Variants in CDH3 observed in about 807,000 individuals in gnomAD.
CDH3 encodes the protein cadherin 3.
A neutral mutation model predicts 82.0 loss-of-function variants in CDH3; 54 were observed. That is an observed-to-expected ratio of 0.66 (90% CI 0.53 to 0.83). CDH3 has a LOEUF of 0.83. CDH3 is among the 40% of genes least tolerant of loss of function. The pLI is 0.00. For missense variants in CDH3, 1,054 were observed against 1,084.6 expected (o/e 0.97, Z 0.40); for synonymous variants, 446 against 437.9 (o/e 1.02, Z -0.23).
rs1472081668 is a variant in CDH3 at position 68,645,672 on chromosome 16, C to T, written c.82C>T (p.Arg28Trp). Residue 28 changes from arginine to tryptophan, a missense_variant, in exon 2 of 16, where the codon CGG becomes TGG. Coordinates refer to ENST00000264012, the MANE Select transcript of CDH3 (RefSeq NM_001793.6). ...WLQCAASEPC[R>W]AVFREAEVTL... ...GCAGTGCGCGGCCTCCGAGCCGTGC[C>T]GGGCGGTCTTCAGGGAGGCTGAAGT... The T allele has an allele frequency of 1.9e-6, 3 of 1,544,726 alleles. No individual in the cohort carries two copies. Among genetic ancestry groups the T allele is most frequent in the East Asian group, 2.4e-5 (1 of 40,920 alleles).
intron 2 of CDH3, among the ~76,000 whole-genome samples, chr16:68,665,541 A>G (rs368876617): frequency 1.3e-5 from 2 of 152,218 alleles, no homozygotes; most frequent in South Asian, 2.1e-4. Context: ...TTTATTGAGT[A>G]CTTACTGTTA....
intron 1 of CDH3, among the ~76,000 whole-genome samples, chr16:68,722,224 C>G (rs910267911): frequency 3.9e-5 from 6 of 152,184 alleles, no homozygotes; most frequent in African/African-American, 1.4e-4. Flanking sequence ...GGAGGGGCCC[C>G]TGTCACCAGC....
downstream of CDH3, among the ~76,000 whole-genome samples, chr16:68,701,544 A>ATTTT (rs71382058): frequency 7.8e-6 from 1 of 128,250 alleles, no homozygotes; most frequent in Non-Finnish European, 1.7e-5. Flanking sequence ...ATTACACACA[A>ATTTT]TTTTTTTTTT....
intron 1 of CDH3, among the ~76,000 whole-genome samples, chr16:68,721,611 G>C (rs1051512168): frequency 6.6e-6 from 1 of 152,234 alleles, no homozygotes; most frequent in African/African-American, 2.4e-5. Context: ...CCCCTTCCCT[G>C]CTCTTGGGTC....
chr16:68,696,951 A>C (rs1238998472), intron 15 of CDH3: 1 of 151,578 alleles, frequency 6.6e-6, no homozygotes, highest in African/African-American at 2.4e-5. Flanking sequence ...CCTCGACCTC[A>C]CATGCCTCTT....
intron 1 of CDH3, among the ~76,000 whole-genome samples, chr16:68,716,706 A>C (rs890457635): frequency 6.6e-6 from 1 of 151,120 alleles, no homozygotes; most frequent in South Asian, 2.1e-4. Flanking sequence ...GGGATGGTAC[A>C]GTAAGACTTA....
Position 68,678,103 on chromosome 16 carries a change from C to T in CDH3, c.247-31C>T, listed in dbSNP as rs1404380214. On this transcript the variant is annotated intron_variant, in intron 3 of 15. Coordinates refer to ENST00000264012, the MANE Select transcript of CDH3 (RefSeq NM_001793.6). ...GTTGAGCATGTCCCAGCTATTTGCA[C>T]ATCTGGGTTAAGGAGTTTCTCTCCT... 4 of 1,605,840 alleles carry T rather than the reference C, an allele frequency of 2.5e-6. No homozygotes were observed. In the South Asian group the frequency reaches 3.3e-5, roughly 13 times the overall value.
the CDH3 span, among the ~76,000 whole-genome samples, chr16:68,733,272 C>T: frequency 6.6e-6 from 1 of 152,138 alleles, no homozygotes; most frequent in African/African-American, 2.4e-5. Flanking sequence ...GCATGCACTG[C>T]CATGTCCAGC....
At chr16:68,718,964 C>A (rs1345140538) in intron 1 of CDH3, among the ~76,000 whole-genome samples, 2 of 151,930 alleles carry the variant, frequency 1.3e-5, no homozygotes, top group African/African-American at 2.4e-5. Flanking sequence ...CGGGGCCGGG[C>A]GCGGTGGCTC....
At position 68,679,877 on chromosome 16, in the gene CDH3, T is replaced by C; in HGVS notation, c.770T>C (p.Ile257Thr). The C allele has an allele frequency of 6.2e-7, 1 of 1,613,798 alleles. No homozygotes were observed. The highest frequency in any genetic ancestry group is 8.5e-7 in the Non-Finnish European group (1 of 1,179,784). The change falls in exon 7 of 16, where the codon ATC becomes ACC. Residue 257 changes from isoleucine (I) to threonine (T), a missense_variant. Ile to Thr is a moderately conservative substitution (Grantham distance 89). Coordinates refer to ENST00000264012, the MANE Select transcript of CDH3 (RefSeq NM_001793.6). Reference sequence around the variant, plus strand: ...TACAATGGGGTGGTTGCTTACTCCATCCATAGCCAAGAACCAAAGGACCCA... The same window carrying C: ...TACAATGGGGTGGTTGCTTACTCCACCCATAGCCAAGAACCAAAGGACCCA... The part of the protein sequence containing the change: ...YTYNGVVAYS[I>T]HSQEPKDPHD...
intron 2 of CDH3, among the ~76,000 whole-genome samples, chr16:68,660,908 G>A (rs1294101487): frequency 6.6e-6 from 1 of 150,698 alleles, no homozygotes; most frequent in Non-Finnish European, 1.5e-5. Context: ...GCAGTGAGCC[G>A]AGATCCCGCC....
intron 2 of CDH3, among the ~76,000 whole-genome samples, chr16:68,654,837 AC>A (rs1317691719): frequency 6.6e-6 from 1 of 150,978 alleles, no homozygotes; most frequent in East Asian, 2.0e-4. Flanking sequence ...GGAGTTCAAG[AC>A]CAGCCTGGCC....
downstream of CDH3, among the ~76,000 whole-genome samples, chr16:68,730,848 C>T (rs1962274804): frequency 6.7e-6 from 1 of 150,158 alleles, no homozygotes; most frequent in African/African-American, 2.5e-5. Context: ...TGGAGAAACC[C>T]CGTCTCTACT....
downstream of CDH3, among the ~76,000 whole-genome samples, chr16:68,704,603 G>A (rs150224326): frequency 6.9e-4 from 105 of 152,394 alleles, no homozygotes; most frequent in Middle Eastern, 6.8e-3. Flanking sequence ...GAGGGAGAGA[G>A]GAAGGGAACA....
intron 2 of CDH3, among the ~76,000 whole-genome samples, chr16:68,658,565 AGCG>A (rs935054817): frequency 1.3e-5 from 2 of 151,928 alleles, no homozygotes; most frequent in African/African-American, 2.4e-5. Flanking sequence ...CTGCCTTCTG[AGCG>A]GCCTTTGCAC....
chr16:68,686,976 A>G (rs1961429290), intron 11 of CDH3, among the ~76,000 whole-genome samples: 1 of 152,204 alleles, frequency 6.6e-6, no homozygotes, highest in South Asian at 2.1e-4. Flanking sequence ...ATAAGTAAAT[A>G]AAACATCAGC....
At chr16:68,727,642 C>T (rs942657216), downstream of CDH3, among the ~76,000 whole-genome samples, 4 of 152,084 alleles carry the variant, frequency 2.6e-5, no homozygotes, top group African/African-American at 9.7e-5. Flanking sequence ...GGTGCGGTGG[C>T]TCATGCCTGT....
At chr16:68,724,925 G>T (rs28549017) in intron 2 of CDH3, among the ~76,000 whole-genome samples, 2 of 152,096 alleles carry the variant, frequency 1.3e-5, no homozygotes, top group South Asian at 2.1e-4. Flanking sequence ...AGCCAGCAGA[G>T]GGTTGGTTGG....
At chr16:68,719,700 C>T (rs1000410618) in intron 1 of CDH3, among the ~76,000 whole-genome samples, 3 of 151,976 alleles carry the variant, frequency 2.0e-5, no homozygotes, top group African/African-American at 7.2e-5. Context: ...GGGGTTTCAC[C>T]ATATTGGCCA....
Sources: gnomAD v4.1 joint callset for allele counts (sites outside exome capture counted in the v4.1 genomes callset) on GRCh38, gnomAD v4.1.1 for gene constraint, MANE v1.5 for transcripts, NCBI Gene and HGNC (gene_info 2026-07-23, HGNC 2026-07-21) for gene names.